SLURP2: variants seen among roughly 807,000 people sequenced by gnomAD.
SLURP2 encodes secreted Ly-6/uPAR domain-containing protein 2.
Under a neutral mutation model 9.8 loss-of-function variants are expected in SLURP2, and 4 were observed. The ratio of observed to expected loss-of-function variants is 0.41; its 90% CI spans 0.20 to 0.94. The LOEUF (loss-of-function observed/expected upper bound fraction) is 0.94, where lower values mean the gene tolerates loss of function less well. Among genes scored for constraint, SLURP2 ranks in the 40% least tolerant of loss-of-function variants. The pLI, the probability that SLURP2 is intolerant of heterozygous loss-of-function variation, is 0.32. For missense variants in SLURP2, 118 were observed against 126.4 expected (o/e 0.93, Z 0.32); for synonymous variants, 58 against 56.2 (o/e 1.03, Z -0.15).
chr8:142,765,280 C>A (rs587606077), intron 1 of SLURP2, 140 bp from the exon 2 acceptor site: 3 of 663,784 alleles, frequency 4.5e-6, no homozygotes, highest in East Asian at 5.8e-5. Context: ...TGTGATCCAG[C>A]CCTCTCAGGA....
chr8:142,764,728 G>A lies in SLURP2; in HGVS notation c.171C>T (p.Asn57=). 3 of 1,613,496 alleles carry A rather than the reference G, an allele frequency of 1.9e-6. No individual in the cohort carries two copies. The highest frequency in any genetic ancestry group is 2.2e-5 in the East Asian group (1 of 44,876). The change falls in exon 3 of 3, where the codon AAC becomes AAT. Residue 57 remains asparagine, a synonymous_variant. Coordinates refer to ENST00000317543, the MANE Select transcript of SLURP2 (RefSeq NM_177458.3). Reference sequence around the variant, plus strand: ...TGGTGACCAGAGGCAAATCCTCGGTGTTGCTGAGGACCCCTGAGTGGGCAG... The same window carrying A: ...TGGTGACCAGAGGCAAATCCTCGGTATTGCTGAGGACCCCTGAGTGGGCAG... ...CVTTATRVLS[N]TEDLPLVTKM...
chr8:142,764,675 A>G lies in SLURP2; in HGVS notation c.224T>C (p.Ile75Thr), dbSNP rs777100152. 9.9e-6 allele frequency: 16 copies of G among 1,612,316 alleles called. No homozygotes were observed. The highest frequency in any genetic ancestry group is 1.4e-5 in the Non-Finnish European group (16 of 1,179,450). Residue 75 changes from isoleucine (I) to threonine (T), a missense_variant, in exon 3 of 3, where the codon ATC becomes ACC. Coordinates refer to ENST00000317543, the MANE Select transcript of SLURP2 (RefSeq NM_177458.3). ...GTAGGGGCCCAGGCCCAGGCTGGGG[A>G]TATCGGGGCAGCCTATGTGGCACAT... ...TKMCHIGCPD[I>T]PSLGLGPYVS...
chr8:142,766,631 C>T (rs1815017469), intron 1 of SLURP2, among the ~76,000 whole-genome samples: 1 of 152,218 alleles, frequency 6.6e-6, no homozygotes, highest in African/African-American at 2.4e-5. Flanking sequence ...GGCTTCCCTG[C>T]CTGCTCTCTG....
intron 1 of SLURP2, among the ~76,000 whole-genome samples, chr8:142,769,138 C>A (rs1431709581): frequency 6.6e-6 from 1 of 151,748 alleles, no homozygotes; most frequent in African/African-American, 2.4e-5. Context: ...CCCTTGGAGC[C>A]CTCAGGAAGG....
Position 142,764,423 on chromosome 8 carries a change from G to GGCAGCA in SLURP2, c.*176_*181dup. 1.4e-6 allele frequency: 1 copy of GGCAGCA among 719,992 alleles called. No homozygotes were observed. The highest frequency in any genetic ancestry group is 2.4e-6 in the Non-Finnish European group (1 of 411,460). The allele number at this position is 719,992 out of a possible 1,614,324, so 44.6% of individuals were successfully genotyped here. On this transcript the variant is annotated 3_prime_UTR_variant, in exon 3 of 3. Transcript: ENST00000317543. ...GGCACGATGGGCCCCAGGCTTGGAC[G>GGCAGCA]GCAGCAGATTGAGGCAAGACTCCAC...
At position 142,764,655 on chromosome 8, in the gene SLURP2, G is replaced by C. The variant is rs1436693091; in HGVS notation, c.244C>G (p.Pro82Ala). 2 of 1,610,432 alleles carry C rather than the reference G, an allele frequency of 1.2e-6. No individual in the cohort carries two copies. The highest frequency in any genetic ancestry group is 1.7e-6 in the Non-Finnish European group (2 of 1,178,920). Residue 82 changes from proline to alanine, a missense_variant, in exon 3 of 3, where the codon CCC (proline) becomes GCC (alanine). By Grantham distance (27) the Pro-to-Ala change is conservative. Coordinates refer to ENST00000317543, the MANE Select transcript of SLURP2 (RefSeq NM_177458.3). ...TGGCAGCAAGCGATGGATACGTAGG[G>C]GCCCAGGCCCAGGCTGGGGATATCG... ...CPDIPSLGLG[P>A]YVSIACCQTS...
At position 142,768,989 on chromosome 8, in the gene SLURP2, G is replaced by A. The variant is rs1015818378; in HGVS notation, c.52+766C>T. 6.6e-6 allele frequency among the ~76,000 whole-genome samples: 1 copy of A among 152,048 alleles called. No homozygotes were observed. Among genetic ancestry groups the A allele is most frequent in the African/African-American group, 2.4e-5 (1 of 41,410 alleles). ...GGGCTGCTTGGGCTTGGAGGTGCAG[G>A]CCACCGGCAGATCAAGGGGCCAGCT... is the stretch of plus-strand genomic sequence containing the variant. On this transcript the variant is annotated intron_variant, in intron 1 of 2. Coordinates refer to ENST00000317543, the MANE Select transcript of SLURP2 (RefSeq NM_177458.3). This position sits in a 1 kb window ranked among gnomAD's most constrained non-coding sequence, Gnocchi z 4.8.
intron 1 of SLURP2, among the ~76,000 whole-genome samples, chr8:142,766,900 C>T (rs587664829): frequency 8.5e-5 from 13 of 152,328 alleles, no homozygotes; most frequent in African/African-American, 3.1e-4. Flanking sequence ...CCCTGGCTTC[C>T]TCTTGAGCTG....
rs1038612790 is a variant in SLURP2 at position 142,768,446 on chromosome 8, C to A, written c.52+1309G>T. 6.6e-6 allele frequency among the ~76,000 whole-genome samples: 1 copy of A among 152,022 alleles called. No individual in the cohort carries two copies. Among genetic ancestry groups the A allele is most frequent in the African/African-American group, 2.4e-5 (1 of 41,370 alleles). On this transcript the variant is annotated intron_variant, in intron 1 of 2. Transcript: ENST00000317543. This position sits in a 1 kb window ranked among gnomAD's most constrained non-coding sequence, Gnocchi z 4.8. ...TGCAGGTGCCCCTGAGAGAGGCTCG[C>A]CAGTCCTCCAACCGGAAGAGCAGTG...
At chr8:142,766,423 C>T (rs1815008071) in intron 1 of SLURP2, 3 of 152,210 alleles carry the variant, frequency 2.0e-5, no homozygotes, top group Non-Finnish European at 4.4e-5. Context: ...AAATATCCTC[C>T]TCAACCCCTT....
Position 142,768,177 on chromosome 8 carries a change from G to A in SLURP2, c.52+1578C>T, listed in dbSNP as rs1815061356. On this transcript the variant is annotated intron_variant, in intron 1 of 2. Transcript: ENST00000317543. The surrounding 1 kb of genome is among the most constrained non-coding windows in gnomAD (Gnocchi z 4.8). ...AGAGAGGAAGGGAGGGAGGAGGAGA[G>A]GAAGGAAGGAAGGGAAGGAGGGAGG... 7.0e-6 allele frequency among the ~76,000 whole-genome samples: 1 copy of A among 141,914 alleles called. No homozygotes were observed. Among genetic ancestry groups the A allele is most frequent in the Admixed American group, 7.2e-5 (1 of 13,884 alleles). The allele number at this position is 141,914 out of a possible 152,430, so 93.1% of individuals were successfully genotyped here.
chr8:142,764,490 A>G lies in SLURP2; in HGVS notation c.*115T>C. On this transcript the variant is annotated 3_prime_UTR_variant, in exon 3 of 3. Transcript: ENST00000317543. ...ACAAGCGGTGCTGGACGGTGGCTGC[A>G]GAGGCCGGGAGAGGTGGGCTGGCCA... 3.7e-6 allele frequency: 4 copies of G among 1,079,990 alleles called. No individual in the cohort carries two copies. The highest frequency in any genetic ancestry group is 5.5e-6 in the Non-Finnish European group (4 of 727,078). 66.9% of individuals were successfully genotyped at this position (1,079,990 alleles called of 1,614,324 possible).
chr8:142,764,531 CA>C lies in SLURP2; in HGVS notation c.*73del. 1 of 1,480,720 alleles carries C rather than the reference CA, an allele frequency of 6.8e-7. No individual in the cohort carries two copies. The highest frequency in any genetic ancestry group is 9.2e-7 in the Non-Finnish European group (1 of 1,081,712). 91.7% of individuals were successfully genotyped at this position (1,480,720 alleles called of 1,614,324 possible). A position where few individuals can be genotyped will look rare whatever the true frequency, so the allele number is the denominator to read the frequency against. Reference sequence around the variant, plus strand: ...GGGCTGGCCAGTCTCGAGGGAGGGGCAGCTGTGAGCCCTGGCGCCAGGCTGT... The same window carrying C: ...GGGCTGGCCAGTCTCGAGGGAGGGGCGCTGTGAGCCCTGGCGCCAGGCTGT... On this transcript the variant is annotated 3_prime_UTR_variant, in exon 3 of 3. Coordinates refer to ENST00000317543, the MANE Select transcript of SLURP2 (RefSeq NM_177458.3).
In SLURP2 at chr8:142,768,796, G is replaced by A. The variant is rs1815082131; in HGVS notation, c.52+959C>T. Reference sequence around the variant, plus strand: ...CAGCGGCTCAGCCTCTCATAGGCCAGGAGGGTGCCCCTGGGGATGGAGACT... The same window carrying A: ...CAGCGGCTCAGCCTCTCATAGGCCAAGAGGGTGCCCCTGGGGATGGAGACT... On this transcript the variant is annotated intron_variant, in intron 1 of 2. Coordinates refer to ENST00000317543, the MANE Select transcript of SLURP2 (RefSeq NM_177458.3). The surrounding 1 kb of genome is among the most constrained non-coding windows in gnomAD (Gnocchi z 4.8). Among the ~76,000 whole-genome samples the A allele has an allele frequency of 1.3e-5, 2 of 152,160 alleles. No individual in the cohort carries two copies. The highest frequency in any genetic ancestry group is 2.9e-5 in the Non-Finnish European group (2 of 68,004).
rs1325767316 is a variant in SLURP2 at position 142,767,888 on chromosome 8, GAATGAATGAATA to G, written c.52+1855_52+1866del. Among the ~76,000 whole-genome samples the G allele has an allele frequency of 1.0e-3, 135 of 130,646 alleles. No individual in the cohort carries two copies. The East Asian group carries it at 0.011, about 11-fold the overall frequency. 85.7% of individuals were successfully genotyped at this position (130,646 alleles called of 152,430 possible). A position where few individuals can be genotyped will look rare whatever the true frequency, so the allele number is the denominator to read the frequency against. On this transcript the variant is annotated intron_variant, in intron 1 of 2. Transcript: ENST00000317543. ...TAATGAGGCCCAGGAGAGGCTTGCA[GAATGAATGAATA>G]AATGAATGAATGAATGAATGAATGA...
At position 142,764,754 on chromosome 8, in the gene SLURP2, G is replaced by A. The variant is rs372124937; in HGVS notation, c.158-13C>T. On this transcript the variant is annotated splice_polypyrimidine_tract_variant and intron_variant, in intron 2 of 2. Transcript: ENST00000317543. Reference sequence around the variant, plus strand: ...TTGCTGAGGACCCCTGAGTGGGCAGGAGAGAAACCATGGAGCTCCCTGAGG... The same window carrying A: ...TTGCTGAGGACCCCTGAGTGGGCAGAAGAGAAACCATGGAGCTCCCTGAGG... 2 of 1,612,154 alleles carry A rather than the reference G, an allele frequency of 1.2e-6. No homozygotes were observed. Among genetic ancestry groups the A allele is most frequent in the Non-Finnish European group, 1.7e-6 (2 of 1,179,428 alleles).
intron 1 of SLURP2, among the ~76,000 whole-genome samples, chr8:142,766,982 C>T (rs1419061634): frequency 2.0e-5 from 3 of 152,238 alleles, no homozygotes; most frequent in Non-Finnish European, 4.4e-5. Context: ...GGGCTGCCCC[C>T]GCCTCACTGT....
rs1444683537 is a variant in SLURP2, at chr8:142,768,342, C to T, written c.52+1413G>A. Among the ~76,000 whole-genome samples, 1 of 152,080 alleles carries T rather than the reference C, an allele frequency of 6.6e-6. No homozygotes were observed. Among genetic ancestry groups the T allele is most frequent in the Non-Finnish European group, 1.5e-5 (1 of 68,008 alleles). ...CTCCCACTGGGGACCCCCGTGCTGGCTCTGAAGCAGGCTGGCCCCTCGGGG... is the reference window on the plus strand; with the variant it reads ...CTCCCACTGGGGACCCCCGTGCTGGTTCTGAAGCAGGCTGGCCCCTCGGGG... On this transcript the variant is annotated intron_variant, in intron 1 of 2. Coordinates refer to ENST00000317543, the MANE Select transcript of SLURP2 (RefSeq NM_177458.3). This position sits in a 1 kb window ranked among gnomAD's most constrained non-coding sequence, Gnocchi z 4.8.
rs761211365 is a variant in SLURP2, at chr8:142,768,747, T to G, written c.52+1008A>C. On this transcript the variant is annotated intron_variant, in intron 1 of 2. Transcript: ENST00000317543. This position sits in a 1 kb window ranked among gnomAD's most constrained non-coding sequence, Gnocchi z 4.8. ...TCAGCACAGAGCTGGTCTGCCCTCATGACCCTGGGGCAGTCCTCAGGGTCA... is the reference window on the plus strand; with the variant it reads ...TCAGCACAGAGCTGGTCTGCCCTCAGGACCCTGGGGCAGTCCTCAGGGTCA... Among the ~76,000 whole-genome samples, 4 of 152,150 alleles carry G rather than the reference T, an allele frequency of 2.6e-5. No homozygotes were observed. The highest frequency in any genetic ancestry group is 5.9e-5 in the Non-Finnish European group (4 of 67,998).
Sources: allele counts gnomAD v4.1 joint callset (sites outside exome capture counted in the v4.1 genomes callset), GRCh38; gene constraint gnomAD v4.1.1; non-coding constraint Gnocchi (gnomAD v3.1); transcripts MANE v1.5; gene names NCBI Gene and HGNC (gene_info 2026-07-23, HGNC 2026-07-21).